Variants in UBAC2 observed in about 807,000 individuals in gnomAD.
The protein encoded by UBAC2 is UBA domain containing 2.
Under a neutral mutation model 44.0 loss-of-function variants are expected in UBAC2, and 26 were observed. That is an observed-to-expected ratio of 0.59 (90% confidence interval 0.43 to 0.82). The LOEUF is 0.82. UBAC2 is among the 40% of genes least tolerant of loss of function. The pLI is 0.00. For missense variants in UBAC2, 329 were observed against 419.4 expected (o/e 0.78, Z 1.88); for synonymous variants, 155 against 154.3 (o/e 1.00, Z -0.04).
intron 4 of UBAC2, among the ~76,000 whole-genome samples, chr13:99,260,938 G>T (rs934655662): frequency 3.3e-5 from 5 of 152,164 alleles, no homozygotes; most frequent in Non-Finnish European, 5.9e-5. Context: ...AGTGAATTTT[G>T]ATTTTAGCCC....
chr13:99,343,466 C>G (rs118173657), intron 7 of UBAC2, among the ~76,000 whole-genome samples: 1 of 152,334 alleles, frequency 6.6e-6, no homozygotes, highest in East Asian at 1.9e-4. Context: ...CCTGCTGGAG[C>G]GTGCATTCCC....
chr13:99,279,992 G>C (rs1389893622), intron 4 of UBAC2, among the ~76,000 whole-genome samples: 1 of 152,152 alleles, frequency 6.6e-6, no homozygotes, highest in Non-Finnish European at 1.5e-5. Context: ...TGAGATGGAT[G>C]GATTGATAGA....
chr13:99,269,201 T>G (rs897017190), intron 4 of UBAC2, among the ~76,000 whole-genome samples: 1 of 152,166 alleles, frequency 6.6e-6, no homozygotes, highest in African/African-American at 2.4e-5. Flanking sequence ...GTACCACAAA[T>G]GGAGTGCCTA....
At chr13:99,216,195 T>C (rs749168986) in intron 1 of UBAC2, among the ~76,000 whole-genome samples, 2 of 151,922 alleles carry the variant, frequency 1.3e-5, no homozygotes, top group Admixed American at 6.6e-5. Context: ...TCTGCCTCCC[T>C]GGTTCAAGGG....
At chr13:99,246,086 T>C (rs1248797592) in intron 4 of UBAC2, among the ~76,000 whole-genome samples, 2 of 152,248 alleles carry the variant, frequency 1.3e-5, no homozygotes, top group African/African-American at 4.8e-5. Flanking sequence ...TGTATCTTGA[T>C]TCAAATTCAC....
chr13:99,256,021 A>G (rs2043548881), intron 4 of UBAC2: 3 of 672,936 alleles, frequency 4.5e-6, no homozygotes, highest in Non-Finnish European at 7.4e-6. Context: ...GCATTTAATC[A>G]AGGAACGATT....
rs1386381311 is a variant in UBAC2 at position 99,325,500 on chromosome 13, C to T, written c.561+7431C>T. 2.6e-5 allele frequency among the ~76,000 whole-genome samples: 4 copies of T among 152,304 alleles called. No individual in the cohort carries two copies. The South Asian group carries it at 8.3e-4, about 32-fold the overall frequency. ...TCACATATCCCTTCTTCTAGGAAGT[C>T]TTACTCATTTAAGTCCTGGCCCAAC... On this transcript the variant is annotated intron_variant, in intron 6 of 8. Coordinates refer to ENST00000403766, the MANE Select transcript of UBAC2 (RefSeq NM_001144072.2).
intron 6 of UBAC2, among the ~76,000 whole-genome samples, chr13:99,338,426 G>C (rs71438001): frequency 0.13 from 19,960 of 152,170 alleles, 1,699 homozygotes; most frequent in Non-Finnish European, 0.19. Flanking sequence ...GGCCACATGT[G>C]GCCCACAGGC....
intron 4 of UBAC2, among the ~76,000 whole-genome samples, chr13:99,279,488 T>C (rs1006785771): frequency 6.6e-6 from 1 of 152,200 alleles, no homozygotes; most frequent in Non-Finnish European, 1.5e-5. Context: ...ATAGCACTCA[T>C]CACTATAGAT....
chr13:99,238,595 GTTT>G, intron 2 of UBAC2, 41 bp downstream of exon 2: 2 of 1,265,422 alleles, frequency 1.6e-6, no homozygotes, highest in Non-Finnish European at 2.1e-6. Flanking sequence ...AGAGCGGACA[GTTT>G]TTTTTTTTTC....
chr13:99,223,542 G>GTTTTTTTTTTTTTTTTTTTTTTTTTT (rs145143990), intron 1 of UBAC2, among the ~76,000 whole-genome samples: 7 of 62,446 alleles, frequency 1.1e-4, no homozygotes, highest in African/African-American at 1.6e-4. Flanking sequence ...CTCTTTTTCT[G>GTTTTTTTTTTTTTTTTTTTTTTTTTT]TTTTTTTTTT....
rs550127290 is a variant in UBAC2 at position 99,266,454 on chromosome 13, G to A, written c.389+21830G>A. 2.4e-3 allele frequency among the ~76,000 whole-genome samples: 362 copies of A among 152,076 alleles called. 4 individuals carry two copies. The highest frequency in any genetic ancestry group is 0.011 in the South Asian group (51 of 4,814). On this transcript the variant is annotated intron_variant, in intron 4 of 8. Coordinates refer to ENST00000403766, the MANE Select transcript of UBAC2 (RefSeq NM_001144072.2). ...ATTCAAAGCTGTCCTGGGCCCATGT[G>A]GCCCATGGGCTGCAGGTTGGACAAG...
chr13:99,358,092 G>A (rs903706380), intron 7 of UBAC2, among the ~76,000 whole-genome samples: 1 of 152,172 alleles, frequency 6.6e-6, no homozygotes, highest in African/African-American at 2.4e-5. Context: ...AGGTGTGAGA[G>A]CACGCAGAGG....
At chr13:99,260,202 G>T (rs1414136680) in intron 4 of UBAC2, among the ~76,000 whole-genome samples, 1 of 152,222 alleles carries the variant, frequency 6.6e-6, no homozygotes, top group East Asian at 1.9e-4. Flanking sequence ...CCGAAGCTGG[G>T]CTGGTTGTTC....
intron 4 of UBAC2, among the ~76,000 whole-genome samples, chr13:99,291,743 C>T (rs955794504): frequency 6.6e-5 from 10 of 152,286 alleles, no homozygotes; most frequent in Non-Finnish European, 1.5e-4. Flanking sequence ...CAGTTACACA[C>T]GTGCTCTAGC....
chr13:99,248,170 A>C lies in UBAC2; in HGVS notation c.389+3546A>C, dbSNP rs188981828. Among the ~76,000 whole-genome samples the C allele has an allele frequency of 4.2e-3, 642 of 151,946 alleles. 6 individuals carry two copies. The highest frequency in any genetic ancestry group is 0.015 in the African/African-American group (608 of 41,430). On this transcript the variant is annotated intron_variant, in intron 4 of 8. Transcript: ENST00000403766. ...TGTATTGTTTGCTTCCCAGCTGTCT[A>C]TTTCCAACCCACACTACTCTCCTGA... is the stretch of plus-strand genomic sequence containing the variant.
intron 1 of UBAC2, among the ~76,000 whole-genome samples, chr13:99,237,263 T>TACAC (rs753374485): frequency 2.1e-3 from 189 of 90,504 alleles, no homozygotes; most frequent in Admixed American, 4.6e-3. Context: ...CGTATATATA[T>TACAC]ATATATATAC....
chr13:99,297,952 GA>G (rs78987394), intron 4 of UBAC2, among the ~76,000 whole-genome samples: 2 of 151,958 alleles, frequency 1.3e-5, no homozygotes, highest in East Asian at 3.9e-4. Context: ...ATTAACATCA[GA>G]AAAAATAGAA....
At chr13:99,238,728 GATA>G (rs1231740243) in intron 2 of UBAC2, among the ~76,000 whole-genome samples, 174 bp downstream of exon 2, 8 of 151,970 alleles carry the variant, frequency 5.3e-5, no homozygotes, top group East Asian at 1.9e-4. Context: ...CAGCAAAACA[GATA>G]ATAATGAAGC....
Sources: allele counts gnomAD v4.1 joint callset (sites outside exome capture counted in the v4.1 genomes callset), GRCh38; gene constraint gnomAD v4.1.1; transcripts MANE v1.5; gene names NCBI Gene and HGNC (gene_info 2026-07-23, HGNC 2026-07-21).